The following DARS2 variants were observed in gnomAD, a reference collection of about 807,000 sequenced individuals.
The protein encoded by DARS2 is aspartyl-tRNA synthetase 2, mitochondrial, also known as aspartate--tRNA ligase, mitochondrial.
A neutral mutation model predicts 83.0 loss-of-function variants in DARS2; 63 were observed. The ratio of observed to expected loss-of-function variants is 0.76; its 90% CI spans 0.62 to 0.94. DARS2 has a LOEUF of 0.94. Ranked by LOEUF, DARS2 falls within the 40% of genes least tolerant of loss-of-function variation. The pLI is 0.00. For synonymous variants in DARS2, 250 were observed against 269.3 expected, an observed-to-expected ratio of 0.93 and a Z score of 0.70; for missense variants, 675 against 774.4, an observed-to-expected ratio of 0.87 and a Z score of 1.52.
rs1019289034 is a variant in DARS2 at position 173,841,377 on chromosome 1, G to GA, written c.1128+416dup. ...GGGCAATAAGAGCAAAACTGTGTTT[G>GA]AAAAAAAAAAAAGTAGGTATTTTTA... is the stretch of plus-strand genomic sequence containing the variant. On this transcript the variant is annotated intron_variant, in intron 11 of 16. Coordinates refer to ENST00000649689, the MANE Select transcript of DARS2 (RefSeq NM_018122.5). 7.8e-4 allele frequency among the ~76,000 whole-genome samples: 109 copies of GA among 139,102 alleles called. 1 individual carries two copies. The highest frequency in any genetic ancestry group is 2.9e-3 in the South Asian group (13 of 4,438). 91.3% of individuals were successfully genotyped at this position (139,102 alleles called of 152,430 possible).
intron 8 of DARS2, 113 bp from the exon 9 acceptor site, chr1:173,838,076 CT>C (rs1289055316): frequency 5.8e-6 from 5 of 865,418 alleles, no homozygotes; most frequent in Non-Finnish European, 7.6e-6. Context: ...CCCGGCCCTT[CT>C]TACGTTTTTT....
chr1:173,831,491 T>C (rs1477032889), intron 4 of DARS2, 44 bp from the exon 5 acceptor site: 2 of 1,338,760 alleles, frequency 1.5e-6, no homozygotes, highest in Non-Finnish European at 2.2e-6. Flanking sequence ...TTTGTGTATA[T>C]CCTGATGAGT....
At chr1:173,838,158 A>G in intron 8 of DARS2, 32 bp from the exon 9 acceptor site, 1 of 1,554,078 alleles carries the variant, frequency 6.4e-7, no homozygotes, top group Admixed American at 1.7e-5. Flanking sequence ...TCCTAGAATC[A>G]TAACTCAATT....
chr1:173,832,661 C>T (rs1030722305), intron 5 of DARS2, among the ~76,000 whole-genome samples: 4 of 150,404 alleles, frequency 2.7e-5, no homozygotes, highest in Non-Finnish European at 5.9e-5. Flanking sequence ...CCCAGCCGCT[C>T]GGGAGGCTGA....
At chr1:173,839,882 T>C (rs977905816) in intron 10 of DARS2, among the ~76,000 whole-genome samples, 3 of 152,350 alleles carry the variant, frequency 2.0e-5, no homozygotes, top group Admixed American at 1.3e-4. Flanking sequence ...TCCAAGGAGT[T>C]ACTAAGTTTC....
intron 16 of DARS2, 46 bp from the exon 17 acceptor site, chr1:173,857,472 C>G: frequency 6.4e-7 from 1 of 1,564,326 alleles, no homozygotes; most frequent in East Asian, 2.2e-5. Context: ...TTATTTCCAA[C>G]ATTAGATTAC....
At chr1:173,826,615 T>C (rs1414325688) in intron 1 of DARS2, 72 bp from the exon 2 acceptor site, 1 of 1,158,568 alleles carries the variant, frequency 8.6e-7, no homozygotes, top group Non-Finnish European at 1.2e-6. Flanking sequence ...GAATTTTCAT[T>C]TTTAAGCAAC....
rs369964430 is a variant in DARS2 at position 173,853,572 on chromosome 1, C to T, written c.1563+5C>T. 106 of 1,613,674 alleles carry T rather than the reference C, an allele frequency of 6.6e-5. No homozygotes were observed. The highest frequency in any genetic ancestry group is 8.1e-5 in the Non-Finnish European group (96 of 1,179,738). On this transcript the variant is annotated splice_donor_5th_base_variant and intron_variant, in intron 14 of 16. Coordinates refer to ENST00000649689, the MANE Select transcript of DARS2 (RefSeq NM_018122.5). ...CTGTACACTGAGCCCAAAAAGGTAC[C>T]GTATCTATACTTCCAAATCAAAAGG... is the stretch of plus-strand genomic sequence containing the variant.
intron 3 of DARS2, 36 bp from the exon 4 acceptor site, chr1:173,830,622 ATT>A: frequency 6.6e-7 from 1 of 1,521,174 alleles, no homozygotes; most frequent in Non-Finnish European, 9.1e-7. Flanking sequence ...CTGTAAGTTC[ATT>A]TGTTTCTCAG....
chr1:173,843,572 A>T (rs1000118429), intron 11 of DARS2, among the ~76,000 whole-genome samples: 7 of 152,232 alleles, frequency 4.6e-5, no homozygotes, highest in African/African-American at 1.4e-4. Context: ...AAAAAAAGAA[A>T]GAATAACATG....
At chr1:173,837,116 A>G in intron 8 of DARS2, 70 bp downstream of exon 8, 7 of 1,345,824 alleles carry the variant, frequency 5.2e-6, no homozygotes, top group Non-Finnish European at 7.5e-6. Flanking sequence ...AAGGAAACAC[A>G]AAATCCTCTC....
chr1:173,834,546 TTAA>T (rs1652906770), intron 7 of DARS2, 27 bp downstream of exon 7: 1 of 1,543,440 alleles, frequency 6.5e-7, no homozygotes, highest in African/African-American at 1.4e-5. Flanking sequence ...AATCAGTCTA[TTAA>T]TAATGTCCTA....
intron 7 of DARS2, among the ~76,000 whole-genome samples, chr1:173,835,882 C>T (rs1217047709): frequency 3.9e-5 from 6 of 151,950 alleles, no homozygotes; most frequent in Non-Finnish European, 8.8e-5. Context: ...GGTGAAACCC[C>T]GTCTCTACTA....
Position 173,828,311 on chromosome 1 carries a change from TTTC to T in DARS2, c.228-21_228-19del. The T allele has an allele frequency of 6.3e-7, 1 of 1,586,792 alleles. No homozygotes were observed. On this transcript the variant is annotated intron_variant, in intron 2 of 16. Transcript: ENST00000649689. Reference sequence around the variant, plus strand: ...AGAGATTTTATCTTAAAATGTTTCTTTTCCCCCCCCCCATTAATCAGGCAAAAC... The same window carrying T: ...AGAGATTTTATCTTAAAATGTTTCTTCCCCCCCCCATTAATCAGGCAAAAC...
At chr1:173,850,587 G>A (rs1653619953) in intron 13 of DARS2, 108 bp downstream of exon 13, 1 of 1,217,154 alleles carries the variant, frequency 8.2e-7, no homozygotes, top group Non-Finnish European at 1.2e-6. Context: ...TCATAAAATG[G>A]AGCTGCTCTG....
At chr1:173,842,938 TAAAAA>T (rs532765288) in intron 11 of DARS2, among the ~76,000 whole-genome samples, 2 of 120,234 alleles carry the variant, frequency 1.7e-5, no homozygotes, top group South Asian at 5.3e-4. Context: ...CACTCCATCT[TAAAAA>T]AAAAAAAAAA....
At chr1:173,833,284 C>T in intron 5 of DARS2, 92 bp from the exon 6 acceptor site, 1 of 1,189,900 alleles carries the variant, frequency 8.4e-7, no homozygotes, top group Non-Finnish European at 1.2e-6. Context: ...AAAGACAGAG[C>T]TAAAATTTTT....
intron 1 of DARS2, 90 bp downstream of exon 1, chr1:173,825,446 C>T (rs1652457903): frequency 1.3e-6 from 1 of 758,158 alleles, no homozygotes; most frequent in East Asian, 3.9e-5. Context: ...TCATTTTTTC[C>T]CCCATTATTA....
intron 10 of DARS2, among the ~76,000 whole-genome samples, chr1:173,840,462 C>T (rs1271820272): frequency 1.3e-5 from 2 of 152,108 alleles, no homozygotes; most frequent in African/African-American, 4.8e-5. Context: ...GACCTCCTGA[C>T]CTCAGGTGAT....
Sources: allele counts gnomAD v4.1 joint callset (sites outside exome capture counted in the v4.1 genomes callset), GRCh38; gene constraint gnomAD v4.1.1; transcripts MANE v1.5; gene names NCBI Gene and HGNC (gene_info 2026-07-23, HGNC 2026-07-21).